GRAMD1B: variants seen among roughly 807,000 people sequenced by gnomAD.
GRAMD1B encodes the protein GRAM domain containing 1B, also known as protein Aster-B.
GRAMD1B carries 37 observed loss-of-function variants against 99.7 expected under a neutral mutation model. That is an observed-to-expected ratio of 0.37 (90% CI 0.29 to 0.49). The LOEUF (loss-of-function observed/expected upper bound fraction) is 0.49, where lower values mean the gene tolerates loss of function less well. GRAMD1B is among the 20% of genes least tolerant of loss of function. The pLI is 0.98. For missense variants in GRAMD1B, 888 were observed against 1,009.2 expected (o/e 0.88, Z 1.63); for synonymous variants, 427 against 387.6 (o/e 1.10, Z -1.19).
chr11:123,386,812 G>A (rs537733882), intron 1 of GRAMD1B, among the ~76,000 whole-genome samples: 10 of 152,302 alleles, frequency 6.6e-5, no homozygotes, highest in South Asian at 6.2e-4. Flanking sequence ...ACAGTGCATC[G>A]GCAGTAGCCG....
At chr11:123,393,616 A>G (rs1947355439) in intron 1 of GRAMD1B, among the ~76,000 whole-genome samples, 1 of 152,248 alleles carries the variant, frequency 6.6e-6, no homozygotes, top group Non-Finnish European at 1.5e-5. Flanking sequence ...CCCTAAGAAC[A>G]TGTTAGCTGC....
intron 1 of GRAMD1B, among the ~76,000 whole-genome samples, chr11:123,453,687 A>G (rs949997909): frequency 9.9e-5 from 15 of 152,190 alleles, no homozygotes; most frequent in African/African-American, 3.4e-4. Flanking sequence ...GTCCTGGAAT[A>G]CTGACTCAAA....
intron 2 of GRAMD1B, among the ~76,000 whole-genome samples, chr11:123,496,943 G>C (rs1037029898): frequency 6.6e-6 from 1 of 151,916 alleles, no homozygotes; most frequent in African/African-American, 2.4e-5. Context: ...GTTTCTCCAG[G>C]ACTGGTCCTT....
At chr11:123,564,444 A>C (rs1223622038) in intron 2 of GRAMD1B, among the ~76,000 whole-genome samples, 1 of 152,230 alleles carries the variant, frequency 6.6e-6, no homozygotes, top group Non-Finnish European at 1.5e-5. Context: ...AGAGAGGAGT[A>C]GTTTGTCCCC....
intron 3 of GRAMD1B, among the ~76,000 whole-genome samples, chr11:123,583,382 G>A (rs1232931858): frequency 3.2e-5 from 3 of 94,442 alleles, no homozygotes; most frequent in African/African-American, 7.6e-5. Context: ...CACGTGTGTG[G>A]TGTGTATGTG....
intron 1 of GRAMD1B, among the ~76,000 whole-genome samples, chr11:123,434,637 A>C (rs1949076680): frequency 6.6e-6 from 1 of 152,030 alleles, no homozygotes; most frequent in Admixed American, 6.6e-5. Context: ...AAAATACAAA[A>C]ATTAGCTGGA....
At chr11:123,497,585 T>G (rs538700493) in intron 2 of GRAMD1B, among the ~76,000 whole-genome samples, 1 of 152,174 alleles carries the variant, frequency 6.6e-6, no homozygotes, top group South Asian at 2.1e-4. Context: ...CCTTAGAAAT[T>G]TACCTGGTGT....
intron 17 of GRAMD1B, among the ~76,000 whole-genome samples, chr11:123,616,849 G>A (rs560440919): frequency 2.7e-4 from 41 of 152,360 alleles, no homozygotes; most frequent in African/African-American, 9.1e-4. Flanking sequence ...CACCAAGATC[G>A]TGAGCAGGCT....
intron 1 of GRAMD1B, among the ~76,000 whole-genome samples, chr11:123,378,837 T>C (rs566905030): frequency 6.6e-6 from 1 of 152,256 alleles, no homozygotes; most frequent in Non-Finnish European, 1.5e-5. Flanking sequence ...CATTAATTTT[T>C]AAATTATTTT....
chr11:123,399,901 C>G (rs1010954426), intron 1 of GRAMD1B, among the ~76,000 whole-genome samples: 4 of 152,110 alleles, frequency 2.6e-5, no homozygotes, highest in African/African-American at 9.7e-5. Flanking sequence ...ATTACTGCAC[C>G]TGGCCCTTGT....
intron 2 of GRAMD1B, among the ~76,000 whole-genome samples, chr11:123,535,596 C>G (rs1164849822): frequency 2.0e-5 from 3 of 152,128 alleles, no homozygotes; most frequent in African/African-American, 7.2e-5. Context: ...GTCTACCTTC[C>G]CTCATAGTGA....
intron 1 of GRAMD1B, among the ~76,000 whole-genome samples, chr11:123,464,694 T>A (rs1476736055): frequency 6.6e-6 from 1 of 152,224 alleles, no homozygotes; most frequent in Admixed American, 6.5e-5. Flanking sequence ...GTGATTCTTA[T>A]GCAGCCAAGG....
At chr11:123,406,675 A>G (rs912171157) in intron 1 of GRAMD1B, among the ~76,000 whole-genome samples, 1 of 152,236 alleles carries the variant, frequency 6.6e-6, no homozygotes, top group African/African-American at 2.4e-5. Context: ...CATTTTACTC[A>G]TTTATGAAGT....
At chr11:123,584,097 C>A (rs1427174229) in intron 3 of GRAMD1B, among the ~76,000 whole-genome samples, 1 of 151,932 alleles carries the variant, frequency 6.6e-6, no homozygotes, top group South Asian at 2.1e-4. Flanking sequence ...ACCCCGCCCG[C>A]GGTGGGCTTC....
At chr11:123,479,513 G>A (rs1003233260) in intron 1 of GRAMD1B, among the ~76,000 whole-genome samples, 2 of 152,166 alleles carry the variant, frequency 1.3e-5, no homozygotes, top group African/African-American at 4.8e-5. Context: ...TGGTAGCCTT[G>A]GTTATAGTGA....
At chr11:123,449,876 T>C (rs971201710) in intron 1 of GRAMD1B, among the ~76,000 whole-genome samples, 2 of 151,952 alleles carry the variant, frequency 1.3e-5, no homozygotes, top group Non-Finnish European at 2.9e-5. Context: ...CATGTGCCAC[T>C]ATGCTCGGCT....
At chr11:123,522,396 G>A (rs980457968) in intron 2 of GRAMD1B, among the ~76,000 whole-genome samples, 1 of 152,084 alleles carries the variant, frequency 6.6e-6, no homozygotes, top group Non-Finnish European at 1.5e-5. Flanking sequence ...TCGACTCACT[G>A]CAACTTCCAC....
intron 1 of GRAMD1B, among the ~76,000 whole-genome samples, chr11:123,435,937 CTTT>C (rs10647186): frequency 2.1e-5 from 2 of 95,726 alleles, no homozygotes; most frequent in Admixed American, 1.4e-4. Flanking sequence ...GAAACTCATA[CTTT>C]TTTTTTTTTT....
chr11:123,582,968 G>A lies in GRAMD1B; in HGVS notation c.664-1344G>A, dbSNP rs572371094. Among the ~76,000 whole-genome samples the A allele has an allele frequency of 8.8e-4, 134 of 152,346 alleles. 1 individual carries two copies. Among genetic ancestry groups the A allele is most frequent in the African/African-American group, 2.8e-3 (118 of 41,576 alleles). On this transcript the variant is annotated intron_variant, in intron 3 of 19. Coordinates refer to ENST00000635736, the MANE Select transcript of GRAMD1B (RefSeq NM_001387025.1). ...AACTGAAAATAATCTAAGCTCCACC[G>A]AGAGATGGAGCTTAGGCATGTGTGT...
Sources: gnomAD v4.1 joint callset for allele counts (sites outside exome capture counted in the v4.1 genomes callset) on GRCh38, gnomAD v4.1.1 for gene constraint, MANE v1.5 for transcripts, NCBI Gene and HGNC (gene_info 2026-07-23, HGNC 2026-07-21) for gene names.